The following ARAP1 variants were observed in gnomAD, a reference collection of about 807,000 sequenced individuals.
The protein encoded by ARAP1 is ArfGAP with RhoGAP domain, ankyrin repeat and PH domain 1, also known as arf-GAP with Rho-GAP domain, ANK repeat and PH domain-containing protein 1.
Under a neutral mutation model 172.2 loss-of-function variants are expected in ARAP1, and 76 were observed. The ratio of observed to expected loss-of-function variants is 0.44; its 90% CI spans 0.37 to 0.53. The LOEUF (loss-of-function observed/expected upper bound fraction) is 0.53. ARAP1 is among the 20% of genes least tolerant of loss of function. The pLI is 0.00. For missense variants in ARAP1, 1,686 were observed against 1,977.5 expected (o/e 0.85, Z 2.80); for synonymous variants, 804 against 803.3 (o/e 1.00, Z -0.01).
At chr11:72,737,502 CAAG>C (rs768244325) in intron 1 of ARAP1, among the ~76,000 whole-genome samples, 32 of 152,182 alleles carry the variant, frequency 2.1e-4, no homozygotes, top group Non-Finnish European at 3.8e-4. Flanking sequence ...ACCGGCCCAG[CAAG>C]AAGATGACCC....
At chr11:72,698,203 C>T (rs1856307752) in intron 18 of ARAP1, 97 bp from the exon 19 acceptor site, 7 of 1,379,868 alleles carry the variant, frequency 5.1e-6, no homozygotes, top group Non-Finnish European at 6.8e-6. Context: ...CCTCTTCCCA[C>T]CCAGCTGCCT....
rs536517039 is a variant in ARAP1 at position 72,722,454 on chromosome 11, T to G, written c.509+4166A>C. 28 of 728,896 alleles carry G rather than the reference T, an allele frequency of 3.8e-5. No homozygotes were observed. The African/African-American group carries it at 4.8e-4, about 12-fold the overall frequency. The allele number at this position is 728,896 out of a possible 1,614,324, so 45.2% of individuals were successfully genotyped here. A position where few individuals can be genotyped will look rare whatever the true frequency, so the allele number is the denominator to read the frequency against. ...GACAACCAACAGTGTCCACTGATCT[T>G]GCAGGCCCTCACAGGGTGGATGCCC... On this transcript the variant is annotated intron_variant, in intron 3 of 34. Coordinates refer to ENST00000393609, the MANE Select transcript of ARAP1 (RefSeq NM_001040118.3).
Position 72,739,645 on chromosome 11 carries a change from C to T in ARAP1, c.-127-7048G>A, listed in dbSNP as rs543410736. Among the ~76,000 whole-genome samples the T allele has an allele frequency of 3.9e-5, 6 of 152,320 alleles. No individual in the cohort carries two copies. The South Asian group carries it at 8.3e-4, about 21-fold the overall frequency. On this transcript the variant is annotated intron_variant, in intron 1 of 34. Transcript: ENST00000393609. ...CACAAAGTAGAGCTGTCACTCCCTG[C>T]CTCCTAGAGCCTGGCACCCAGATGA...
chr11:72,712,682 T>C, intron 5 of ARAP1, 114 bp from the exon 6 acceptor site: 1 of 1,524,640 alleles, frequency 6.6e-7, no homozygotes, highest in Non-Finnish European at 9.0e-7. Context: ...GCCCAGCACT[T>C]TTAGTTCTGT....
At chr11:72,745,182 C>CTTTTTTTTT (rs902550014) in intron 1 of ARAP1, among the ~76,000 whole-genome samples, 14 of 88,312 alleles carry the variant, frequency 1.6e-4, no homozygotes, top group Non-Finnish European at 2.3e-4. Flanking sequence ...AAGTTTCTTT[C>CTTTTTTTTT]TTTTTTTTTT....
In ARAP1 at chr11:72,693,846, C is replaced by A; in HGVS notation, c.3695-41G>T. ...ACCTACCGTCACTGGGACCACATGGCCCGATACCACCAAAGGCTGGCAGAT... is the reference window on the plus strand; with the variant it reads ...ACCTACCGTCACTGGGACCACATGGACCGATACCACCAAAGGCTGGCAGAT... On this transcript the variant is annotated intron_variant, in intron 27 of 34. Transcript: ENST00000393609. This position sits in a 1 kb window ranked among gnomAD's most constrained non-coding sequence, Gnocchi z 4.6. 6.7e-7 allele frequency: 1 copy of A among 1,503,356 alleles called. No individual in the cohort carries two copies. The highest frequency in any genetic ancestry group is 9.0e-7 in the Non-Finnish European group (1 of 1,111,150). 93.1% of individuals were successfully genotyped at this position (1,503,356 alleles called of 1,614,324 possible). A position where few individuals can be genotyped will look rare whatever the true frequency, so the allele number is the denominator to read the frequency against.
intron 1 of ARAP1, among the ~76,000 whole-genome samples, chr11:72,740,689 A>C (rs1858168243): frequency 6.6e-6 from 1 of 152,092 alleles, no homozygotes; most frequent in South Asian, 2.1e-4. Context: ...TTACCCTCCC[A>C]AGGGTCTAAG....
chr11:72,725,237 TC>T lies in ARAP1; in HGVS notation c.509+1382del, dbSNP rs1009849139. 6.6e-6 allele frequency among the ~76,000 whole-genome samples: 1 copy of T among 151,850 alleles called. No individual in the cohort carries two copies. Among genetic ancestry groups the T allele is most frequent in the Admixed American group, 6.6e-5 (1 of 15,252 alleles). On this transcript the variant is annotated intron_variant, in intron 3 of 34. Transcript: ENST00000393609. The surrounding 1 kb of genome is among the most constrained non-coding windows in gnomAD (Gnocchi z 4.3). ...TGCTTCTTCCCTTTGTTCACCCACT[TC>T]CAACCCCAGAGACAGACAGACAGAC...
At chr11:72,687,377 C>T in intron 33 of ARAP1, 62 bp downstream of exon 33, 1 of 1,597,596 alleles carries the variant, frequency 6.3e-7, no homozygotes, top group Non-Finnish European at 8.6e-7. Context: ...GCCAATGTCC[C>T]CATTCTCCAT....
chr11:72,687,913 G>A (rs1312999005), intron 31 of ARAP1, among the ~76,000 whole-genome samples, 175 bp from the exon 32 acceptor site: 2 of 152,132 alleles, frequency 1.3e-5, no homozygotes, highest in East Asian at 3.9e-4. Flanking sequence ...CAGCCTCCCA[G>A]GCCCTTGACA....
intron 33 of ARAP1, 181 bp downstream of exon 33, chr11:72,687,258 G>A: frequency 3.9e-6 from 3 of 762,948 alleles, no homozygotes; most frequent in Non-Finnish European, 6.5e-6. Context: ...CCTGGCTTGG[G>A]GCTGGACTAA....
Position 72,698,123 on chromosome 11 carries a change from G to C in ARAP1, c.2542-17C>G. On this transcript the variant is annotated splice_polypyrimidine_tract_variant and intron_variant, in intron 18 of 34. Coordinates refer to ENST00000393609, the MANE Select transcript of ARAP1 (RefSeq NM_001040118.3). ...CACGAATGCCTGGCAGAGAGGCGCC[G>C]GGGGAGACAGCATCAGCCAACGGCA... 2 of 1,567,972 alleles carry C rather than the reference G, an allele frequency of 1.3e-6. No homozygotes were observed. The highest frequency in any genetic ancestry group is 1.7e-6 in the Non-Finnish European group (2 of 1,156,752).
chr11:72,751,039 A>C (rs908763732), intron 1 of ARAP1, among the ~76,000 whole-genome samples: 2 of 152,114 alleles, frequency 1.3e-5, no homozygotes, highest in Non-Finnish European at 2.9e-5. Context: ...GCTGGGGTTG[A>C]GTAGGAGGCT....
At chr11:72,748,740 G>A (rs1020964065) in intron 1 of ARAP1, among the ~76,000 whole-genome samples, 2 of 152,138 alleles carry the variant, frequency 1.3e-5, no homozygotes, top group Non-Finnish European at 2.9e-5. Context: ...TCACATCTGG[G>A]GTCATCTGCC....
At chr11:72,686,323 G>A (rs1477123896) in intron 33 of ARAP1, 132 bp from the exon 34 acceptor site, 8 of 1,212,538 alleles carry the variant, frequency 6.6e-6, no homozygotes, top group East Asian at 2.6e-5. Flanking sequence ...GATCCCCGCC[G>A]ATATGAGAAG....
Position 72,695,623 on chromosome 11 carries a change from A to C in ARAP1, c.3426T>G (p.Asp1142Glu). 6.2e-7 allele frequency: 1 copy of C among 1,614,152 alleles called. No homozygotes were observed. Residue 1142 changes from aspartate (D) to glutamate (E), a missense_variant, in exon 25 of 35, where the codon GAT becomes GAG. Coordinates refer to ENST00000393609, the MANE Select transcript of ARAP1 (RefSeq NM_001040118.3). The surrounding 1 kb of genome is among the most constrained non-coding windows in gnomAD (Gnocchi z 4.4). ...INHYVVVFSV[D>E]EEELRKQREE... The stretch of plus-strand genomic sequence containing the variant: ...CCCGCTGCTTCCTGAGCTCTTCCTC[A>C]TCCACCTGGGAAGGGGCGAGAGGCA...
chr11:72,690,253 T>C (rs1176320067), intron 30 of ARAP1, among the ~76,000 whole-genome samples: 1 of 152,076 alleles, frequency 6.6e-6, no homozygotes, highest in African/African-American at 2.4e-5. Flanking sequence ...AATCAAGACA[T>C]TCAAACCAGG....
intron 1 of ARAP1, among the ~76,000 whole-genome samples, chr11:72,738,435 TC>T (rs1858100780): frequency 6.6e-6 from 1 of 151,884 alleles, no homozygotes. Flanking sequence ...CCAGGCCGCC[TC>T]CCCTGATTGC....
intron 3 of ARAP1, among the ~76,000 whole-genome samples, chr11:72,720,436 T>C (rs1240373309): frequency 6.6e-6 from 1 of 152,186 alleles, no homozygotes; most frequent in African/African-American, 2.4e-5. Flanking sequence ...GGGTCTCACT[T>C]GCTAGAATGG....
Sources: allele counts gnomAD v4.1 joint callset (sites outside exome capture counted in the v4.1 genomes callset), GRCh38; gene constraint gnomAD v4.1.1; non-coding constraint Gnocchi (gnomAD v3.1); transcripts MANE v1.5; gene names NCBI Gene and HGNC (gene_info 2026-07-23, HGNC 2026-07-21).